DYNC2LI1: variants seen among roughly 807,000 people sequenced by gnomAD.
DYNC2LI1 encodes the protein cytoplasmic dynein 2 light intermediate chain 1.
A neutral mutation model predicts 51.9 loss-of-function variants in DYNC2LI1; 45 were observed. That is an observed-to-expected ratio of 0.87 (90% CI 0.68 to 1.11). The LOEUF is 1.11. Ranked by LOEUF, DYNC2LI1 falls within the 50% of genes most tolerant of loss-of-function variation. The probability of loss-of-function intolerance (pLI) is 0.00; values close to 1 mark genes in which losing one functional copy is unlikely to be tolerated. For synonymous variants in DYNC2LI1, 130 were observed against 137.8 expected (o/e 0.94, Z 0.40); for missense variants, 490 against 417.4 (o/e 1.17, Z -1.51).
In DYNC2LI1 at chr2:43,796,808, C is replaced by T. The variant is rs1665874981; in HGVS notation, c.654+13C>T. 2.5e-6 allele frequency: 4 copies of T among 1,610,870 alleles called. No homozygotes were observed. The highest frequency in any genetic ancestry group is 2.2e-5 in the East Asian group (1 of 44,822). ...AGCATCATTAATGGTTTGTACATTTCTTGTCCTTTGGGCTTGAATGGACAG... is the reference window on the plus strand; with the variant it reads ...AGCATCATTAATGGTTTGTACATTTTTTGTCCTTTGGGCTTGAATGGACAG... On this transcript the variant is annotated intron_variant, in intron 8 of 12. Transcript: ENST00000260605.
At chr2:43,780,171 G>A (rs79617928) in intron 2 of DYNC2LI1, among the ~76,000 whole-genome samples, 3,037 of 152,294 alleles carry the variant, frequency 0.02, 74 homozygotes, top group African/African-American at 0.061. Context: ...GCCTGAAGAA[G>A]TGGTTAGAGA....
the DYNC2LI1 span, among the ~76,000 whole-genome samples, chr2:43,821,347 C>G: frequency 6.6e-6 from 1 of 152,210 alleles, no homozygotes; most frequent in African/African-American, 2.4e-5. Context: ...GATGAGCCAT[C>G]CACATCAGTG....
At chr2:43,783,306 A>G (rs949886701) in intron 2 of DYNC2LI1, among the ~76,000 whole-genome samples, 1 of 152,196 alleles carries the variant, frequency 6.6e-6, no homozygotes, top group African/African-American at 2.4e-5. Context: ...AATTATAATA[A>G]TAGCAGTGTA....
chr2:43,810,627 C>A, downstream of DYNC2LI1: 1 of 571,014 alleles, frequency 1.8e-6, no homozygotes, highest in Non-Finnish European at 2.2e-6. Context: ...ATTTACTACC[C>A]CAAGGGAGTA....
intron 4 of DYNC2LI1, among the ~76,000 whole-genome samples, chr2:43,787,961 G>T (rs1173145250): frequency 2.6e-5 from 4 of 152,118 alleles, no homozygotes; most frequent in Non-Finnish European, 4.4e-5. Flanking sequence ...AGATAAAACT[G>T]CCTATTGTTG....
intron 1 of DYNC2LI1, among the ~76,000 whole-genome samples, chr2:43,774,658 C>T (rs146829660): frequency 1.6e-3 from 242 of 152,274 alleles, no homozygotes; most frequent in African/African-American, 5.5e-3. Flanking sequence ...ATTCCTAAAC[C>T]TTTTCTCAAC....
At chr2:43,824,041 A>C in the DYNC2LI1 span, 5 of 1,614,228 alleles carry the variant, frequency 3.1e-6, no homozygotes. Context: ...GAAAAGGAGG[A>C]ACAAACCCAT....
At chr2:43,823,605 G>T in the DYNC2LI1 span, among the ~76,000 whole-genome samples, 1 of 152,182 alleles carries the variant, frequency 6.6e-6, no homozygotes, top group Non-Finnish European at 1.5e-5. Flanking sequence ...CATGGGCTGT[G>T]CATCTGAGAT....
intron 1 of DYNC2LI1, chr2:43,775,679 CT>C (rs1558658267): frequency 8.0e-6 from 3 of 376,902 alleles, no homozygotes; most frequent in South Asian, 1.9e-5. Context: ...TTTTCTTTTT[CT>C]TTTTTTATTT....
rs559156619 is a variant in DYNC2LI1, at chr2:43,789,666, G to A, written c.265G>A (p.Gly89Arg). 1.2e-6 allele frequency: 2 copies of A among 1,613,772 alleles called. No homozygotes were observed. Among genetic ancestry groups the A allele is most frequent in the Admixed American group, 1.7e-5 (1 of 59,966 alleles). The change falls in exon 5 of 13, where the codon GGA (glycine) becomes AGA (arginine). Residue 89 changes from glycine (G) to arginine (R), a missense_variant. By Grantham distance (125) the Gly-to-Arg change is moderately radical. Coordinates refer to ENST00000260605, the MANE Select transcript of DYNC2LI1 (RefSeq NM_016008.4). ...KDIAHFWELG[G>R]GTSLLDLISI... is the part of the protein sequence containing the mutation. ...TATCGCTCACTTTTGGGAACTCGGT[G>A]GAGGAACCTCTTTATTGGACTTAAT...
intron 8 of DYNC2LI1, 88 bp downstream of exon 8, chr2:43,796,883 A>G (rs956628839): frequency 8.7e-6 from 9 of 1,031,906 alleles, no homozygotes; most frequent in Non-Finnish European, 1.4e-5. Flanking sequence ...CGAGGAATAA[A>G]TGCTTTTGCT....
At chr2:43,827,345 G>A in the DYNC2LI1 span, among the ~76,000 whole-genome samples, 33,784 of 148,690 alleles carry the variant, frequency 0.23, 5,030 homozygotes, top group East Asian at 0.8. Flanking sequence ...AAAAAAAAGT[G>A]ACAAGAGCTG....
chr2:43,786,777 G>T (rs1482473489), intron 3 of DYNC2LI1, among the ~76,000 whole-genome samples: 1 of 152,156 alleles, frequency 6.6e-6, no homozygotes, highest in Non-Finnish European at 1.5e-5. Context: ...AGTGAGCCAA[G>T]ATCGTGCCAC....
intron 5 of DYNC2LI1, 106 bp from the exon 6 acceptor site, chr2:43,794,351 C>A: frequency 1.7e-6 from 2 of 1,167,002 alleles, no homozygotes; most frequent in Non-Finnish European, 2.3e-6. Flanking sequence ...GTTTTTTTTT[C>A]CCCTTAAGGT....
intron 10 of DYNC2LI1, among the ~76,000 whole-genome samples, chr2:43,803,743 G>A (rs1001832401): frequency 6.6e-6 from 1 of 152,156 alleles, no homozygotes; most frequent in African/African-American, 2.4e-5. Flanking sequence ...TCAGTGGAGC[G>A]TATCAATGGC....
intron 3 of DYNC2LI1, among the ~76,000 whole-genome samples, chr2:43,785,824 G>A (rs1243561568): frequency 6.6e-6 from 1 of 151,934 alleles, no homozygotes; most frequent in Non-Finnish European, 1.5e-5. Context: ...TAGGGGGAAG[G>A]GAAAATGAGA....
At chr2:43,811,492 T>G (rs1041530962), downstream of DYNC2LI1, among the ~76,000 whole-genome samples, 2 of 152,206 alleles carry the variant, frequency 1.3e-5, no homozygotes, top group African/African-American at 4.8e-5. Flanking sequence ...TCTACCATAT[T>G]CTCACCCAAA....
chr2:43,797,515 C>CTTTTTTTTTTTTTTTTTTTTTTTTTT (rs557695536), intron 8 of DYNC2LI1, among the ~76,000 whole-genome samples: 1 of 110,696 alleles, frequency 9.0e-6, no homozygotes. Context: ...AATATAACAA[C>CTTTTTTTTTTTTTTTTTTTTTTTTTT]TTTTTTTTTT....
intron 2 of DYNC2LI1, among the ~76,000 whole-genome samples, chr2:43,780,774 C>T (rs1673240808): frequency 6.6e-6 from 1 of 151,894 alleles, no homozygotes; most frequent in Non-Finnish European, 1.5e-5. Context: ...TTCAGAGTTC[C>T]AGGGATAATG....
Sources: allele counts gnomAD v4.1 joint callset (sites outside exome capture counted in the v4.1 genomes callset), GRCh38; gene constraint gnomAD v4.1.1; transcripts MANE v1.5; gene names NCBI Gene and HGNC (gene_info 2026-07-23, HGNC 2026-07-21).